DTNA: variants seen among roughly 807,000 people sequenced by gnomAD.
The protein encoded by DTNA is dystrophin-related protein 3.
In DTNA, 43 loss-of-function variants were observed where a neutral mutation model predicts 100.7. The ratio of observed to expected loss-of-function variants is 0.43; its 90% CI spans 0.33 to 0.55. The LOEUF (loss-of-function observed/expected upper bound fraction) is 0.55. Among genes scored for constraint, DTNA ranks in the 20% least tolerant of loss-of-function variants. The pLI is 0.04. For missense variants in DTNA, 798 were observed against 953.9 expected, an observed-to-expected ratio of 0.84 and a Z score of 2.15; for synonymous variants, 349 against 347.9, an observed-to-expected ratio of 1.00 and a Z score of -0.04.
intron 20 of DTNA, 85 bp downstream of exon 20, chr18:34,879,804 G>C: frequency 6.5e-7 from 1 of 1,549,754 alleles, no homozygotes; most frequent in Non-Finnish European, 8.8e-7. Flanking sequence ...TAATTGTTTA[G>C]GGTTTTTTTA....
Position 34,888,768 on chromosome 18 carries a change from A to G in DTNA, c.*1034A>G. Reference sequence around the variant, plus strand: ...CTTTAGGAAGCATGTCTTTAACAGCACCGCTCGTTCACAAGTTCCCCCATC... The same window carrying G: ...CTTTAGGAAGCATGTCTTTAACAGCGCCGCTCGTTCACAAGTTCCCCCATC... On this transcript the variant is annotated 3_prime_UTR_variant, in exon 23 of 23. Coordinates refer to ENST00000444659, the MANE Select transcript of DTNA (RefSeq NM_001386795.1). 1.0e-6 allele frequency: 1 copy of G among 985,892 alleles called. No homozygotes were observed. 61.1% of individuals were successfully genotyped at this position (985,892 alleles called of 1,614,324 possible).
intron 17 of DTNA, among the ~76,000 whole-genome samples, chr18:34,865,184 AGTCC>A (rs1332928281): frequency 6.6e-6 from 1 of 152,228 alleles, no homozygotes; most frequent in African/African-American, 2.4e-5. Context: ...CCCAACTTTC[AGTCC>A]GTGGATGTCC....
At chr18:34,579,673 G>T (rs1437179072) in intron 1 of DTNA, among the ~76,000 whole-genome samples, 1 of 152,172 alleles carries the variant, frequency 6.6e-6, no homozygotes, top group Admixed American at 6.5e-5. Flanking sequence ...TGTGTGAAAT[G>T]TCTTTTTCCT....
At chr18:34,679,889 T>C (rs911314508) in intron 1 of DTNA, among the ~76,000 whole-genome samples, 7 of 152,130 alleles carry the variant, frequency 4.6e-5, no homozygotes, top group African/African-American at 1.7e-4. Flanking sequence ...TCCCAGTTTC[T>C]ATTAAGCAAA....
chr18:34,582,145 C>T (rs1162284726), intron 1 of DTNA, among the ~76,000 whole-genome samples: 1 of 152,124 alleles, frequency 6.6e-6, no homozygotes, highest in Non-Finnish European at 1.5e-5. Flanking sequence ...ACACACTCTG[C>T]CTTCTCTTCC....
chr18:34,711,857 T>C (rs2082965005), intron 1 of DTNA, among the ~76,000 whole-genome samples: 1 of 152,174 alleles, frequency 6.6e-6, no homozygotes, highest in East Asian at 1.9e-4. Context: ...ATGACAGATA[T>C]CAAAAGTACT....
At chr18:34,666,378 T>A (rs1382752050) in intron 1 of DTNA, among the ~76,000 whole-genome samples, 3 of 152,048 alleles carry the variant, frequency 2.0e-5, no homozygotes, top group Non-Finnish European at 2.9e-5. Flanking sequence ...GGTTGCCTGT[T>A]CACTCTGATG....
chr18:34,608,077 C>T (rs2053500534), intron 1 of DTNA, among the ~76,000 whole-genome samples: 1 of 152,194 alleles, frequency 6.6e-6, no homozygotes, highest in Admixed American at 6.5e-5. Context: ...TCTCCAATCC[C>T]TGATGAGGCT....
chr18:34,859,483 C>T (rs2096592115), intron 16 of DTNA, among the ~76,000 whole-genome samples: 1 of 152,188 alleles, frequency 6.6e-6, no homozygotes, highest in Non-Finnish European at 1.5e-5. Flanking sequence ...CAGGACCACT[C>T]TGATTGCTTG....
chr18:34,834,855 G>C (rs1464440154), intron 11 of DTNA, among the ~76,000 whole-genome samples: 1 of 152,078 alleles, frequency 6.6e-6, no homozygotes, highest in Admixed American at 6.5e-5. Context: ...AGTTTGGAGG[G>C]GTCAAATATT....
intron 1 of DTNA, among the ~76,000 whole-genome samples, chr18:34,507,747 A>G (rs777313909): frequency 7.9e-5 from 12 of 152,122 alleles, no homozygotes; most frequent in African/African-American, 2.9e-4. Flanking sequence ...CTAAGTGTCT[A>G]TCTTGGACCC....
At chr18:34,510,801 G>A (rs568903876) in intron 1 of DTNA, among the ~76,000 whole-genome samples, 2 of 152,004 alleles carry the variant, frequency 1.3e-5, no homozygotes, top group Admixed American at 6.6e-5. Context: ...AATGATAGGG[G>A]CTAGTCCAGA....
At chr18:34,867,252 T>C in intron 17 of DTNA, 1 of 1,231,434 alleles carries the variant, frequency 8.1e-7, no homozygotes, top group Non-Finnish European at 1.0e-6. Flanking sequence ...CTGGACACAT[T>C]TTTACCCTTC....
chr18:34,799,772 G>A (rs545797097), intron 4 of DTNA, among the ~76,000 whole-genome samples: 192 of 152,222 alleles, frequency 1.3e-3, no homozygotes, highest in African/African-American at 4.3e-3. Context: ...AATGTCACTC[G>A]TTGTTTATCT....
At chr18:34,523,519 A>G (rs760209359) in intron 1 of DTNA, among the ~76,000 whole-genome samples, 8 of 152,224 alleles carry the variant, frequency 5.3e-5, no homozygotes, top group Admixed American at 1.3e-4. Context: ...CATCTAAATT[A>G]TAAAAGAAAA....
intron 8 of DTNA, among the ~76,000 whole-genome samples, chr18:34,820,343 C>T (rs189550854): frequency 6.6e-6 from 1 of 152,220 alleles, no homozygotes; most frequent in East Asian, 1.9e-4. Flanking sequence ...GCTGTCATGC[C>T]TGTGATGTAA....
At chr18:34,570,015 T>C (rs774439875) in intron 1 of DTNA, among the ~76,000 whole-genome samples, 28 of 152,216 alleles carry the variant, frequency 1.8e-4, no homozygotes, top group Non-Finnish European at 2.5e-4. Context: ...TTCCATTAGC[T>C]GCCAGGCTAA....
chr18:34,728,651 G>A (rs1348689240), intron 1 of DTNA, among the ~76,000 whole-genome samples: 2 of 152,092 alleles, frequency 1.3e-5, no homozygotes, highest in Non-Finnish European at 2.9e-5. Flanking sequence ...TAGATCCAGA[G>A]GCCCAAAGGG....
chr18:34,821,607 A>AGCCCCCTTAG, intron 9 of DTNA: 1 of 416,300 alleles, frequency 2.4e-6, no homozygotes, highest in Admixed American at 3.1e-5. Flanking sequence ...GGGCTTAGGT[A>AGCCCCCTTAG]GAAGAAACAA....
Sources: gnomAD v4.1 joint callset for allele counts (sites outside exome capture counted in the v4.1 genomes callset) on GRCh38, gnomAD v4.1.1 for gene constraint, MANE v1.5 for transcripts, NCBI Gene and HGNC (gene_info 2026-07-23, HGNC 2026-07-21) for gene names.